The following LSAMP variants were observed in gnomAD, a reference collection of about 807,000 sequenced individuals.
LSAMP encodes limbic system-associated membrane protein.
In LSAMP, 7 loss-of-function variants were observed where a neutral mutation model predicts 38.6. The ratio of observed to expected loss-of-function variants is 0.18; its 90% confidence interval spans 0.10 to 0.34. The LOEUF (loss-of-function observed/expected upper bound fraction) is 0.34. Ranked by LOEUF, LSAMP falls within the 10% of genes least tolerant of loss-of-function variation. The pLI is 1.00. For synonymous variants in LSAMP, 154 were observed against 166.8 expected, an observed-to-expected ratio of 0.92 and a Z score of 0.59; for missense variants, 313 against 420.0, an observed-to-expected ratio of 0.75 and a Z score of 2.23.
chr3:116,089,548 G>A (rs142976098), intron 1 of LSAMP, among the ~76,000 whole-genome samples: 80 of 152,092 alleles, frequency 5.3e-4, no homozygotes, highest in African/African-American at 1.8e-3. Context: ...TAGCAGAGAC[G>A]GGGTTTCAGC....
chr3:116,237,099 C>T (rs1434820310), intron 1 of LSAMP, among the ~76,000 whole-genome samples: 1 of 151,810 alleles, frequency 6.6e-6, no homozygotes, highest in Non-Finnish European at 1.5e-5. Context: ...AAAAATATGC[C>T]TATATGATTA....
intron 1 of LSAMP, among the ~76,000 whole-genome samples, chr3:116,394,769 T>G (rs2048746874): frequency 1.3e-5 from 2 of 152,220 alleles, no homozygotes; most frequent in Non-Finnish European, 2.9e-5. Flanking sequence ...ATACGTGTTT[T>G]TCTTCCACAT....
At chr3:115,829,282 T>A (rs1468446732) in intron 6 of LSAMP, among the ~76,000 whole-genome samples, 1 of 152,116 alleles carries the variant, frequency 6.6e-6, no homozygotes. Context: ...GAGTGAACCA[T>A]TGATTCCACA....
chr3:116,016,492 T>C (rs535389988), intron 3 of LSAMP, among the ~76,000 whole-genome samples: 1 of 152,294 alleles, frequency 6.6e-6, no homozygotes, highest in South Asian at 2.1e-4. Context: ...AGGAGCTTGG[T>C]GGGGGATATC....
chr3:116,221,150 C>CAAAAGAAAAAAAA (rs2046279948), intron 1 of LSAMP, among the ~76,000 whole-genome samples: 1 of 53,184 alleles, frequency 1.9e-5, no homozygotes, highest in African/African-American at 7.5e-5. Flanking sequence ...GACTCTGTCT[C>CAAAAGAAAAAAAA]AAAAAAAAAA....
chr3:115,813,089 GTTA>G (rs1448164971), intron 6 of LSAMP, among the ~76,000 whole-genome samples: 6 of 151,994 alleles, frequency 3.9e-5, no homozygotes, highest in Non-Finnish European at 7.4e-5. Context: ...AGAATTAACT[GTTA>G]TTTTCACGTG....
intron 3 of LSAMP, among the ~76,000 whole-genome samples, chr3:115,930,781 G>T (rs1937568639): frequency 6.6e-6 from 1 of 152,106 alleles, no homozygotes; most frequent in Admixed American, 6.5e-5. Flanking sequence ...AGCAATTTGG[G>T]TCTTTAGAGG....
At chr3:116,213,213 T>C (rs2046182660) in intron 1 of LSAMP, among the ~76,000 whole-genome samples, 1 of 152,178 alleles carries the variant, frequency 6.6e-6, no homozygotes. Context: ...TTTGGTTGTG[T>C]CCCCACCCGA....
At chr3:116,409,223 G>A (rs1473019488) in intron 1 of LSAMP, among the ~76,000 whole-genome samples, 1 of 152,054 alleles carries the variant, frequency 6.6e-6, no homozygotes, top group Admixed American at 6.6e-5. Flanking sequence ...CAGGGATGAT[G>A]TAAGTCTGGT....
At chr3:115,937,760 C>T (rs1937755278) in intron 3 of LSAMP, among the ~76,000 whole-genome samples, 1 of 150,146 alleles carries the variant, frequency 6.7e-6, no homozygotes, top group Non-Finnish European at 1.5e-5. Context: ...AAAAGGGAAG[C>T]CCGCAGCATG....
intron 1 of LSAMP, among the ~76,000 whole-genome samples, chr3:116,184,798 A>ACCAAG (rs1383950146): frequency 5.3e-5 from 8 of 151,420 alleles, no homozygotes; most frequent in Non-Finnish European, 1.2e-4. Flanking sequence ...TTGCTGGTTG[A>ACCAAG]TTTTTCCTAG....
At chr3:116,289,975 C>T (rs533337729) in intron 1 of LSAMP, among the ~76,000 whole-genome samples, 1 of 152,112 alleles carries the variant, frequency 6.6e-6, no homozygotes, top group South Asian at 2.1e-4. Flanking sequence ...TTTGGATTTC[C>T]TCTATTTTCT....
intron 1 of LSAMP, among the ~76,000 whole-genome samples, chr3:116,247,254 G>A (rs2046616575): frequency 6.6e-6 from 1 of 152,062 alleles, no homozygotes. Flanking sequence ...TATTGTGCTG[G>A]TTTCTGCTTA....
intron 1 of LSAMP, among the ~76,000 whole-genome samples, chr3:116,359,103 G>A (rs1340215199): frequency 6.6e-6 from 1 of 152,096 alleles, no homozygotes; most frequent in Non-Finnish European, 1.5e-5. Context: ...AAAATATTAT[G>A]TTTAAAATTA....
At chr3:116,278,207 C>T (rs2047079770) in intron 1 of LSAMP, among the ~76,000 whole-genome samples, 1 of 152,152 alleles carries the variant, frequency 6.6e-6, no homozygotes, top group Non-Finnish European at 1.5e-5. Flanking sequence ...ATGTCACAAA[C>T]ACACCCGGAA....
intron 6 of LSAMP, among the ~76,000 whole-genome samples, chr3:115,820,168 G>A (rs780479516): frequency 9.9e-5 from 15 of 151,890 alleles, no homozygotes; most frequent in African/African-American, 2.7e-4. Context: ...TCTCATGTTC[G>A]TGAATCGAAC....
intron 1 of LSAMP, among the ~76,000 whole-genome samples, chr3:116,290,588 G>T (rs1012880433): frequency 1.3e-5 from 2 of 151,832 alleles, no homozygotes; most frequent in African/African-American, 4.8e-5. Context: ...AAATTAGCCT[G>T]GTGTGGTGGC....
chr3:116,427,341 C>T (rs2049213971), intron 1 of LSAMP, among the ~76,000 whole-genome samples: 1 of 151,404 alleles, frequency 6.6e-6, no homozygotes, highest in Non-Finnish European at 1.5e-5. Context: ...AGGATGGTCT[C>T]GATCTCCTGA....
At chr3:116,140,283 T>G (rs1346914844) in intron 1 of LSAMP, among the ~76,000 whole-genome samples, 1 of 151,994 alleles carries the variant, frequency 6.6e-6, no homozygotes, top group Admixed American at 6.6e-5. Flanking sequence ...AACCACCAGG[T>G]GACAGTGTTT....
Sources: gnomAD v4.1 joint callset for allele counts (sites outside exome capture counted in the v4.1 genomes callset) on GRCh38, gnomAD v4.1.1 for gene constraint, MANE v1.5 for transcripts, NCBI Gene and HGNC (gene_info 2026-07-23, HGNC 2026-07-21) for gene names.